The following ELL2 variants were observed in gnomAD, a reference collection of about 807,000 sequenced individuals.
ELL2 encodes elongation factor for RNA polymerase II 2.
ELL2 carries 21 observed loss-of-function variants against 72.8 expected under a neutral mutation model. The ratio of observed to expected loss-of-function variants is 0.29; its 90% CI spans 0.20 to 0.42. ELL2 has a LOEUF of 0.42. ELL2 is among the 10% of genes least tolerant of loss of function. The pLI, the probability that ELL2 is intolerant of heterozygous loss-of-function variation, is 1.00. For synonymous variants in ELL2, 266 were observed against 283.2 expected, an observed-to-expected ratio of 0.94 and a Z score of 0.61; for missense variants, 568 against 772.8, an observed-to-expected ratio of 0.73 and a Z score of 3.14.
chr5:95,943,723 T>TTCTC (rs1249353942), intron 1 of ELL2, among the ~76,000 whole-genome samples: 15 of 152,352 alleles, frequency 9.8e-5, no homozygotes, highest in African/African-American at 2.6e-4. Context: ...AGGTTACCAG[T>TTCTC]TCTCTCACAT....
In ELL2 at chr5:95,930,778, T is replaced by C. The variant is rs140704037; in HGVS notation, c.196-11233A>G. ...ACCAAAGGCACAAGACCACAGTCTA[T>C]GCTAAACAAGGAGAAACAGCAATAA... On this transcript the variant is annotated intron_variant, in intron 2 of 11. Coordinates refer to ENST00000237853, the MANE Select transcript of ELL2 (RefSeq NM_012081.6). 5.7e-3 allele frequency among the ~76,000 whole-genome samples: 864 copies of C among 152,332 alleles called. 5 individuals carry two copies. The highest frequency in any genetic ancestry group is 0.019 in the African/African-American group (810 of 41,578).
intron 8 of ELL2, among the ~76,000 whole-genome samples, chr5:95,897,000 A>T (rs1748900967): frequency 6.6e-6 from 1 of 152,202 alleles, no homozygotes; most frequent in Non-Finnish European, 1.5e-5. Flanking sequence ...CTGACCTGAC[A>T]AATTCAACTA....
chr5:95,921,595 T>C (rs1484801400), intron 2 of ELL2, among the ~76,000 whole-genome samples: 1 of 152,234 alleles, frequency 6.6e-6, no homozygotes, highest in African/African-American at 2.4e-5. Flanking sequence ...GGCATACATA[T>C]ATTGGCAACT....
chr5:95,929,792 A>AC (rs1336510498), intron 2 of ELL2, among the ~76,000 whole-genome samples: 2 of 151,256 alleles, frequency 1.3e-5, no homozygotes, highest in Non-Finnish European at 2.9e-5. Context: ...AAAAAAAAAA[A>AC]AACAACAAAA....
At chr5:95,903,626 G>A (rs1185350411) in intron 5 of ELL2, among the ~76,000 whole-genome samples, 1 of 151,992 alleles carries the variant, frequency 6.6e-6, no homozygotes, top group Non-Finnish European at 1.5e-5. Context: ...TCCTCATTCT[G>A]TTCATTTCCT....
intron 3 of ELL2, 137 bp from the exon 4 acceptor site, chr5:95,914,071 G>GCATTTACATT: frequency 1.5e-6 from 1 of 688,244 alleles, no homozygotes; most frequent in Non-Finnish European, 2.1e-6. Context: ...ATTTTTAAAT[G>GCATTTACATT]TAAATGCTAT....
intron 2 of ELL2, among the ~76,000 whole-genome samples, chr5:95,921,969 C>A (rs909063148): frequency 6.6e-6 from 1 of 152,192 alleles, no homozygotes; most frequent in Admixed American, 6.5e-5. Context: ...CGGTTTAGAT[C>A]TAAAGTTTTC....
intron 1 of ELL2, among the ~76,000 whole-genome samples, chr5:95,948,783 T>C (rs1751270539): frequency 6.6e-6 from 1 of 152,214 alleles, no homozygotes; most frequent in Non-Finnish European, 1.5e-5. Flanking sequence ...AAGGGAATAG[T>C]ATTTGAGCTA....
intron 5 of ELL2, among the ~76,000 whole-genome samples, chr5:95,902,358 C>G (rs758132063): frequency 6.6e-6 from 1 of 152,168 alleles, no homozygotes; most frequent in Non-Finnish European, 1.5e-5. Flanking sequence ...AGAGAACCCC[C>G]AAATTACTGT....
At position 95,887,048 on chromosome 5, in the gene ELL2, A is replaced by C. The variant is rs1748488033; in HGVS notation, c.*1823T>G. 6.6e-6 allele frequency: 1 copy of C among 152,120 alleles called. No homozygotes were observed. Among genetic ancestry groups the C allele is most frequent in the Admixed American group, 6.5e-5 (1 of 15,272 alleles). The allele number at this position is 152,120 out of a possible 1,614,324, so 9.4% of individuals were successfully genotyped here. A position where few individuals can be genotyped will look rare whatever the true frequency, so the allele number is the denominator to read the frequency against. On this transcript the variant is annotated 3_prime_UTR_variant, in exon 12 of 12. Transcript: ENST00000237853. ...AGTTTCCCTTTCCTTTTTTCAATTA[A>C]AAAGTTTGAAATAAATTAACGTTTA... is the stretch of plus-strand genomic sequence containing the variant.
At chr5:95,890,239 C>T (rs989607575) in intron 10 of ELL2, among the ~76,000 whole-genome samples, 2 of 152,162 alleles carry the variant, frequency 1.3e-5, no homozygotes, top group Admixed American at 6.5e-5. Flanking sequence ...CTATAACTCT[C>T]GCCAGCTTGT....
At chr5:95,892,608 G>T (rs1374727095) in intron 9 of ELL2, among the ~76,000 whole-genome samples, 1 of 152,176 alleles carries the variant, frequency 6.6e-6, no homozygotes. Context: ...GCAGGTGGCA[G>T]GAGATTCAGG....
chr5:95,960,405 G>A (rs912283174), intron 1 of ELL2, among the ~76,000 whole-genome samples: 1 of 151,738 alleles, frequency 6.6e-6, no homozygotes, highest in Non-Finnish European at 1.5e-5. Context: ...GTCCCTTCTC[G>A]GTGCTTCCCT....
At chr5:95,928,183 G>T (rs1750466030) in intron 2 of ELL2, among the ~76,000 whole-genome samples, 1 of 152,106 alleles carries the variant, frequency 6.6e-6, no homozygotes, top group South Asian at 2.1e-4. Context: ...TGGAGCATGA[G>T]AGAACAGAAA....
intron 2 of ELL2, among the ~76,000 whole-genome samples, chr5:95,936,844 T>A (rs1750794228): frequency 6.6e-6 from 1 of 152,132 alleles, no homozygotes; most frequent in Non-Finnish European, 1.5e-5. Context: ...GCAACATAAA[T>A]AACTCAATTC....
chr5:95,900,886 C>G, intron 6 of ELL2, 70 bp downstream of exon 6: 1 of 1,562,224 alleles, frequency 6.4e-7, no homozygotes, highest in Non-Finnish European at 8.6e-7. Context: ...ATAACAATGA[C>G]TAAAATAATG....
intron 1 of ELL2, among the ~76,000 whole-genome samples, chr5:95,951,253 C>T (rs572208103): frequency 6.6e-6 from 1 of 151,966 alleles, no homozygotes; most frequent in East Asian, 1.9e-4. Context: ...CCTGTAGCCC[C>T]AGCTACTTGG....
intron 2 of ELL2, among the ~76,000 whole-genome samples, chr5:95,922,071 A>AT (rs11372862): frequency 0.32 from 47,748 of 147,208 alleles, 8,063 homozygotes; most frequent in African/African-American, 0.45. Flanking sequence ...TCTAAATTGC[A>AT]TTTTTTTTTT....
chr5:95,889,014 A>T, intron 11 of ELL2, 27 bp from the exon 12 acceptor site: 2 of 1,537,210 alleles, frequency 1.3e-6, no homozygotes, highest in African/African-American at 1.4e-5. Context: ...AAAAAAAAAA[A>T]GAGGAATGAG....
Sources: gnomAD v4.1 joint callset for allele counts (sites outside exome capture counted in the v4.1 genomes callset) on GRCh38, gnomAD v4.1.1 for gene constraint, MANE v1.5 for transcripts, NCBI Gene and HGNC (gene_info 2026-07-23, HGNC 2026-07-21) for gene names.